UMAD1: variants seen among roughly 807,000 people sequenced by gnomAD.
The protein encoded by UMAD1 is UBAP1-MVB12-associated (UMA) domain containing 1, also known as UBAP1-MVB12-associated (UMA)-domain containing protein 1.
In UMAD1, 8 loss-of-function variants were observed where a neutral mutation model predicts 6.1. That is an observed-to-expected ratio of 1.30 (90% CI 0.76 to 2.35). UMAD1 has a LOEUF of 2.35. Among genes scored for constraint, UMAD1 ranks in the 30% most tolerant of loss-of-function variants. The pLI is 0.00. For missense variants in UMAD1, 130 were observed against 78.4 expected (o/e 1.66, Z -2.49); for synonymous variants, 56 against 31.4 (o/e 1.78, Z -2.61).
chr7:7,788,645 T>C (rs765211237), intron 2 of UMAD1, among the ~76,000 whole-genome samples: 1 of 149,614 alleles, frequency 6.7e-6, no homozygotes, highest in Non-Finnish European at 1.5e-5. Flanking sequence ...TTTCCTTCTC[T>C]CAACTCCTCA....
chr7:7,668,336 C>G (rs1779522012), intron 1 of UMAD1, among the ~76,000 whole-genome samples: 1 of 152,024 alleles, frequency 6.6e-6, no homozygotes, highest in Admixed American at 6.6e-5. Flanking sequence ...GATTTTTTTA[C>G]TGTTTCAGTT....
At chr7:7,838,161 G>C (rs1008158666) in intron 3 of UMAD1, among the ~76,000 whole-genome samples, 3 of 136,432 alleles carry the variant, frequency 2.2e-5, no homozygotes, top group Admixed American at 2.2e-4. Flanking sequence ...TTTTCTGAAA[G>C]AGAGGCCAGA....
chr7:7,877,150 G>C (rs17562719), intron 3 of UMAD1, 131 bp from the exon 4 acceptor site: 66,825 of 605,050 alleles, frequency 0.11, 4,527 homozygotes, highest in Middle Eastern at 0.16. Flanking sequence ...AAAGTAAAGA[G>C]CTGCGTTCAA....
intron 2 of UMAD1, among the ~76,000 whole-genome samples, chr7:7,719,690 T>A (rs1384580488): frequency 6.6e-6 from 1 of 152,206 alleles, no homozygotes. Flanking sequence ...TACTTTATAA[T>A]CTTAAGTTTA....
At chr7:7,824,174 A>T (rs571186207) in intron 3 of UMAD1, among the ~76,000 whole-genome samples, 13 of 152,194 alleles carry the variant, frequency 8.5e-5, no homozygotes, top group African/African-American at 2.9e-4. Context: ...ATCCTTTGTC[A>T]TCTGGATTAT....
intron 3 of UMAD1, among the ~76,000 whole-genome samples, chr7:7,842,036 T>C (rs1402166865): frequency 6.6e-6 from 1 of 152,226 alleles, no homozygotes; most frequent in Non-Finnish European, 1.5e-5. Context: ...ACAATGTAAT[T>C]TCTGTACAGT....
At chr7:7,709,928 C>T (rs1255476149) in intron 2 of UMAD1, among the ~76,000 whole-genome samples, 1 of 152,032 alleles carries the variant, frequency 6.6e-6, no homozygotes, top group Non-Finnish European at 1.5e-5. Context: ...AGGTAAATTC[C>T]ACTCTTTAAA....
chr7:7,793,922 C>T (rs551500662), intron 2 of UMAD1, among the ~76,000 whole-genome samples: 2 of 152,284 alleles, frequency 1.3e-5, no homozygotes, highest in Non-Finnish European at 2.9e-5. Context: ...AATAAAATGG[C>T]TCCACAGTCA....
At chr7:7,678,544 GATAA>G (rs1246187631) in intron 2 of UMAD1, among the ~76,000 whole-genome samples, 1 of 125,288 alleles carries the variant, frequency 8.0e-6, no homozygotes, top group African/African-American at 3.1e-5. Context: ...TTAATTTATA[GATAA>G]ATATATATTT....
At chr7:7,861,232 G>C (rs1583879615) in intron 3 of UMAD1, among the ~76,000 whole-genome samples, 1 of 152,156 alleles carries the variant, frequency 6.6e-6, no homozygotes, top group Non-Finnish European at 1.5e-5. Flanking sequence ...AAATGGTTAA[G>C]ATGGTAAATT....
At chr7:7,803,769 C>T (rs964390738) in intron 3 of UMAD1, among the ~76,000 whole-genome samples, 2 of 151,886 alleles carry the variant, frequency 1.3e-5, no homozygotes, top group African/African-American at 4.8e-5. Context: ...TCTCTTCAGC[C>T]CCTTATAAGG....
intron 3 of UMAD1, among the ~76,000 whole-genome samples, chr7:7,835,912 A>G (rs890889333): frequency 7.2e-5 from 11 of 151,980 alleles, no homozygotes; most frequent in Non-Finnish European, 1.6e-4. Flanking sequence ...TTTTATTTAC[A>G]TAAGTGGATA....
chr7:7,758,246 TGA>T (rs756995271), intron 2 of UMAD1, among the ~76,000 whole-genome samples: 23 of 152,150 alleles, frequency 1.5e-4, no homozygotes, highest in Non-Finnish European at 2.2e-4. Context: ...TACCTTATTT[TGA>T]GAACTAGAGT....
intron 1 of UMAD1, among the ~76,000 whole-genome samples, chr7:7,654,358 T>C (rs1226039541): frequency 6.6e-6 from 1 of 152,184 alleles, no homozygotes; most frequent in East Asian, 1.9e-4. Flanking sequence ...TAAAATTTTC[T>C]TAGGTGAAGT....
chr7:7,700,508 T>C (rs896688736), intron 2 of UMAD1, among the ~76,000 whole-genome samples: 1 of 152,130 alleles, frequency 6.6e-6, no homozygotes, highest in Non-Finnish European at 1.5e-5. Context: ...GAAGATCGCT[T>C]GAGGCCATAA....
intron 3 of UMAD1, among the ~76,000 whole-genome samples, chr7:7,853,514 TG>T (rs1428709964): frequency 1.3e-5 from 2 of 152,134 alleles, no homozygotes; most frequent in Non-Finnish European, 2.9e-5. Context: ...TTTCAGGGTA[TG>T]AGTTTTGTAC....
chr7:7,750,058 C>G (rs996191101), intron 2 of UMAD1, among the ~76,000 whole-genome samples: 5 of 151,958 alleles, frequency 3.3e-5, no homozygotes, highest in African/African-American at 1.2e-4. Flanking sequence ...AAGCAGTGGT[C>G]TATAATGTAA....
intron 2 of UMAD1, among the ~76,000 whole-genome samples, chr7:7,691,775 A>G (rs536649901): frequency 5.8e-4 from 88 of 152,314 alleles, no homozygotes; most frequent in African/African-American, 2.0e-3. Context: ...ATTTGATGGT[A>G]TTGAAGTGTT....
rs183543320 is a variant in UMAD1 at position 7,744,410 on chromosome 7, T to C, written c.83-57260T>C. Among the ~76,000 whole-genome samples the C allele has an allele frequency of 3.8e-3, 584 of 152,268 alleles. 4 individuals are homozygous for C. Among genetic ancestry groups the C allele is most frequent in the African/African-American group, 0.013 (552 of 41,560 alleles). ...GTGTACAGGCTTTTGTGTAGACATG[T>C]ATTTTCATTTCATTGAGTGTATACC... On this transcript the variant is annotated intron_variant, in intron 2 of 3. Transcript: ENST00000682710.
Sources: gnomAD v4.1 joint callset for allele counts (sites outside exome capture counted in the v4.1 genomes callset) on GRCh38, gnomAD v4.1.1 for gene constraint, MANE v1.5 for transcripts, NCBI Gene and HGNC (gene_info 2026-07-23, HGNC 2026-07-21) for gene names.